IFNLR1: variants seen among roughly 807,000 people sequenced by gnomAD.
IFNLR1 encodes the protein CRF2-12.
Under a neutral mutation model 52.5 loss-of-function variants are expected in IFNLR1, and 28 were observed. The ratio of observed to expected loss-of-function variants is 0.53; its 90% CI spans 0.40 to 0.73. The LOEUF (loss-of-function observed/expected upper bound fraction) is 0.73, where lower values mean the gene tolerates loss of function less well. Among genes scored for constraint, IFNLR1 ranks in the 30% least tolerant of loss-of-function variants. IFNLR1 has a pLI of 0.00. For synonymous variants in IFNLR1, 276 were observed against 274.9 expected (o/e 1.00, Z -0.04); for missense variants, 623 against 659.1 (o/e 0.95, Z 0.60).
chr1:24,184,836 T>C (rs1644721608), intron 1 of IFNLR1, among the ~76,000 whole-genome samples: 1 of 152,098 alleles, frequency 6.6e-6, no homozygotes, highest in African/African-American at 2.4e-5. Context: ...CTGGCCAACA[T>C]GGTGAAACCA....
Position 24,155,728 on chromosome 1 carries a change from G to A in IFNLR1, c.*1402C>T, listed in dbSNP as rs911752215. ...ACAGCTCTGTGGGTTCAATGGCTTT[G>A]AAGATCCCTTCTTCACAAATCCAGA... On this transcript the variant is annotated 3_prime_UTR_variant, in exon 7 of 7. Coordinates refer to ENST00000327535, the MANE Select transcript of IFNLR1 (RefSeq NM_170743.4). The A allele has an allele frequency of 5.3e-5, 8 of 152,228 alleles. No homozygotes were observed. The highest frequency in any genetic ancestry group is 1.9e-4 in the African/African-American group (8 of 41,454). 9.4% of individuals were successfully genotyped at this position (152,228 alleles called of 1,614,324 possible). A position where few individuals can be genotyped will look rare whatever the true frequency, so the allele number is the denominator to read the frequency against.
rs572069181 is a variant in IFNLR1, at chr1:24,172,023, T to C, written c.183-2422A>G. ...TCTCACTTTGTTGCCTAGGCCGGTC[T>C]CAAACTTCTGGCCTCAAGCAATCCT... On this transcript the variant is annotated intron_variant, in intron 2 of 6. Coordinates refer to ENST00000327535, the MANE Select transcript of IFNLR1 (RefSeq NM_170743.4). 3.3e-5 allele frequency among the ~76,000 whole-genome samples: 5 copies of C among 152,184 alleles called. No homozygotes were observed. The South Asian group carries it at 1.0e-3, about 32-fold the overall frequency.
chr1:24,184,177 CGCTGTTCCCTCAT>C (rs1312530995), intron 1 of IFNLR1, among the ~76,000 whole-genome samples: 1 of 152,314 alleles, frequency 6.6e-6, no homozygotes, highest in East Asian at 1.9e-4. Context: ...CCTTTGCACA[CGCTGTTCCCTCAT>C]GCTGTTCCCT....
intron 2 of IFNLR1, 45 bp downstream of exon 2, chr1:24,180,686 A>ACCCCCCCCCC: frequency 3.2e-6 from 1 of 311,978 alleles, no homozygotes; most frequent in South Asian, 2.4e-5. Context: ...GCCCCCACCC[A>ACCCCCCCCCC]CCCCCTCAGT....
intron 3 of IFNLR1, among the ~76,000 whole-genome samples, chr1:24,162,278 A>G (rs1644452539): frequency 6.6e-6 from 1 of 152,116 alleles, no homozygotes; most frequent in Admixed American, 6.5e-5. Flanking sequence ...TCAGCTCCGG[A>G]AGGCACCCAC....
chr1:24,159,521 T>C lies in IFNLR1; in HGVS notation c.623A>G (p.Lys208Arg). The C allele has an allele frequency of 6.2e-7, 1 of 1,614,158 alleles. No individual in the cohort carries two copies. The highest frequency in any genetic ancestry group is 8.5e-7 in the Non-Finnish European group (1 of 1,180,016). The change falls in exon 5 of 7, where the codon AAA becomes AGA. Residue 208 changes from lysine (K) to arginine (R), a missense_variant. Transcript: ENST00000327535. ...GGTGGGCTTAGAGAACTTGCTGTAT[T>C]TCGGGACACTGAACGTGTAGATGGT... ...ARTIYTFSVP[K>R]YSKFSKPTCF...
chr1:24,167,056 G>A (rs996908629), intron 3 of IFNLR1, among the ~76,000 whole-genome samples: 25 of 152,152 alleles, frequency 1.6e-4, no homozygotes, highest in African/African-American at 4.8e-4. Flanking sequence ...ATCCACTGAC[G>A]GCCCAAAGAG....
intron 3 of IFNLR1, among the ~76,000 whole-genome samples, chr1:24,162,572 G>C (rs760061936): frequency 2.0e-5 from 3 of 152,210 alleles, no homozygotes; most frequent in Non-Finnish European, 2.9e-5. Context: ...TGTTTCTGGA[G>C]ACTTGGAAGT....
chr1:24,162,434 T>C (rs1248234079), intron 3 of IFNLR1, among the ~76,000 whole-genome samples: 2 of 152,244 alleles, frequency 1.3e-5, no homozygotes, highest in African/African-American at 4.8e-5. Context: ...TGGGATTAGA[T>C]TGGGCCCATC....
intron 3 of IFNLR1, among the ~76,000 whole-genome samples, chr1:24,162,724 T>TC (rs1644459954): frequency 3.1e-5 from 1 of 32,470 alleles, no homozygotes; most frequent in East Asian, 6.3e-4. Flanking sequence ...TCTTTCTTTC[T>TC]TTTCTTTCTT....
At position 24,162,962 on chromosome 1, in the gene IFNLR1, C is replaced by CTT. The variant is rs754939969; in HGVS notation, c.368-1280_368-1279dup. Among the ~76,000 whole-genome samples the CTT allele has an allele frequency of 6.2e-4, 55 of 89,404 alleles. 6 individuals carry two copies. Among genetic ancestry groups the CTT allele is most frequent in the East Asian group, 1.1e-3 (3 of 2,768 alleles). 58.7% of individuals were successfully genotyped at this position (89,404 alleles called of 152,430 possible). On this transcript the variant is annotated intron_variant, in intron 3 of 6. Coordinates refer to ENST00000327535, the MANE Select transcript of IFNLR1 (RefSeq NM_170743.4). ...TCTCTTTCTTTCTTCTTTCTTTCCTCTTTTTTTTTTTTTTTTGAGACAGAG... is the reference window on the plus strand; with the variant it reads ...TCTCTTTCTTTCTTCTTTCTTTCCTCTTTTTTTTTTTTTTTTTTGAGACAGAG...
chr1:24,162,766 TTCTTTCTTTC>T (rs1557643856), intron 3 of IFNLR1, among the ~76,000 whole-genome samples: 389 of 23,164 alleles, frequency 0.017, 15 homozygotes, highest in South Asian at 0.051. Flanking sequence ...CTTTCTTTCT[TTCTTTCTTTC>T]TTTTTCTTTC....
Position 24,157,481 on chromosome 1 carries a change from A to G in IFNLR1, c.1212T>C (p.Ser404=). The G allele has an allele frequency of 6.2e-7, 1 of 1,613,548 alleles. No individual in the cohort carries two copies. Among genetic ancestry groups the G allele is most frequent in the Non-Finnish European group, 8.5e-7 (1 of 1,179,682 alleles). The change falls in exon 7 of 7, where the codon TCT becomes TCC. Residue 404 remains serine (S), a synonymous_variant. Transcript: ENST00000327535. This position sits in a 1 kb window ranked among gnomAD's most constrained non-coding sequence, Gnocchi z 5.1. ...CTGGCCCCTTCTCAGCCAAATAGCC[A>G]GAGGACCCAGCCCTGTCCCAGGAGG... ...VDSSWDRAGS[S]GYLAEKGPGQ... is the part of the protein sequence containing the mutation.
Position 24,157,921 on chromosome 1 carries a change from A to C in IFNLR1, c.802-30T>G, listed in dbSNP as rs751487552. On this transcript the variant is annotated intron_variant, in intron 6 of 6. Coordinates refer to ENST00000327535, the MANE Select transcript of IFNLR1 (RefSeq NM_170743.4). This position sits in a 1 kb window ranked among gnomAD's most constrained non-coding sequence, Gnocchi z 5.1. The stretch of plus-strand genomic sequence containing the variant: ...TTTGGGTAGGGGAGAGAAAAGCAGA[A>C]AATTTAGGCTTTCCTGAAGCATAAT... 3 of 1,516,630 alleles carry C rather than the reference A, an allele frequency of 2.0e-6. No homozygotes were observed. The highest frequency in any genetic ancestry group is 2.6e-6 in the Non-Finnish European group (3 of 1,135,340). The allele number at this position is 1,516,630 out of a possible 1,614,324, so 93.9% of individuals were successfully genotyped here.
chr1:24,159,503 T>G lies in IFNLR1; in HGVS notation c.641A>C (p.Lys214Thr), dbSNP rs1316532464. The G allele has an allele frequency of 6.2e-7, 1 of 1,614,182 alleles. No homozygotes were observed. The highest frequency in any genetic ancestry group is 8.5e-7 in the Non-Finnish European group (1 of 1,180,030). ...FSVPKYSKFS[K>T]PTCFLLEVPE... The stretch of plus-strand genomic sequence containing the variant: ...GACCTCCAGCAAGAAGCAGGTGGGC[T>G]TAGAGAACTTGCTGTATTTCGGGAC... Residue 214 changes from lysine to threonine, a missense_variant, in exon 5 of 7, where the codon AAG becomes ACG. Physicochemically the swap from Lys to Thr is moderately conservative, Grantham distance 78. Transcript: ENST00000327535.
At chr1:24,162,203 A>G (rs1251198793) in intron 3 of IFNLR1, among the ~76,000 whole-genome samples, 1 of 152,070 alleles carries the variant, frequency 6.6e-6, no homozygotes, top group African/African-American at 2.4e-5. Flanking sequence ...TGTCAGCAAA[A>G]CTTAGTTCTT....
rs913338098 is a variant in IFNLR1 at position 24,171,270 on chromosome 1, T to C, written c.183-1669A>G. Among the ~76,000 whole-genome samples, 18 of 149,282 alleles carry C rather than the reference T, an allele frequency of 1.2e-4. 1 individual carries two copies. Among genetic ancestry groups the C allele is most frequent in the African/African-American group, 4.4e-4 (17 of 38,962 alleles). On this transcript the variant is annotated intron_variant, in intron 2 of 6. Coordinates refer to ENST00000327535, the MANE Select transcript of IFNLR1 (RefSeq NM_170743.4). ...AAAGAAAAATAAATACATAAATAAA[T>C]AAAGAACAACACAGTTATCAAGTTG...
At position 24,185,973 on chromosome 1, in the gene IFNLR1, T is replaced by C. The variant is rs1644734468; in HGVS notation, c.58+1218A>G. On this transcript the variant is annotated intron_variant, in intron 1 of 6. Transcript: ENST00000327535. ...CCTGAGGCTACACAGTCAGTTTGTG[T>C]GGGAGCCAGTATTTGAACTTAGATC... Among the ~76,000 whole-genome samples, 2 of 152,198 alleles carry C rather than the reference T, an allele frequency of 1.3e-5. 1 individual carries two copies. Among genetic ancestry groups the C allele is most frequent in the East Asian group, 3.8e-4 (2 of 5,202 alleles).
chr1:24,170,825 G>A (rs1644571592), intron 2 of IFNLR1, among the ~76,000 whole-genome samples: 1 of 152,220 alleles, frequency 6.6e-6, no homozygotes, highest in Non-Finnish European at 1.5e-5. Context: ...TAGAATGTGG[G>A]GAAAAGGAGA....
Sources: allele counts gnomAD v4.1 joint callset (sites outside exome capture counted in the v4.1 genomes callset), GRCh38; gene constraint gnomAD v4.1.1; non-coding constraint Gnocchi (gnomAD v3.1); transcripts MANE v1.5; gene names NCBI Gene and HGNC (gene_info 2026-07-23, HGNC 2026-07-21).